Variants in CPNE4 observed in about 807,000 individuals in gnomAD.
CPNE4 encodes the protein copine-4.
A neutral mutation model predicts 67.9 loss-of-function variants in CPNE4; 25 were observed. That is an observed-to-expected ratio of 0.37 (90% confidence interval 0.27 to 0.51). CPNE4 has a LOEUF of 0.51. Ranked by LOEUF, CPNE4 falls within the 20% of genes least tolerant of loss-of-function variation. CPNE4 has a pLI of 0.93. For missense variants in CPNE4, 464 were observed against 690.8 expected, an observed-to-expected ratio of 0.67 and a Z score of 3.68; for synonymous variants, 242 against 244.9, an observed-to-expected ratio of 0.99 and a Z score of 0.11.
At position 131,830,664 on chromosome 3, in the gene CPNE4, T is replaced by C. The variant is rs906663114; in HGVS notation, c.180+74600A>G. 2.6e-5 allele frequency among the ~76,000 whole-genome samples: 4 copies of C among 152,162 alleles called. No individual in the cohort carries two copies. In the South Asian group the frequency reaches 6.2e-4, roughly 24 times the overall value. On this transcript the variant is annotated intron_variant, in intron 2 of 15. Transcript: ENST00000429747. ...CTCTCCTGCCTTCCAATCTTTCTTA[T>C]TTCGAATCAGCTATTACATTCTTTT...
chr3:131,979,506 C>T lies in CPNE4; in HGVS notation c.-2+55061G>A, dbSNP rs150701558. 4.5e-4 allele frequency among the ~76,000 whole-genome samples: 68 copies of T among 152,288 alleles called. No individual in the cohort carries two copies. In the East Asian group the frequency reaches 8.9e-3, roughly 20 times the overall value. On this transcript the variant is annotated intron_variant, in intron 1 of 15. Transcript: ENST00000429747. ...TTGTCTGATAAAATAGCTACTCCTG[C>T]TCGCTTTTGGTGTCCATTTGCATGA...
intron 2 of CPNE4, among the ~76,000 whole-genome samples, chr3:131,785,175 C>T (rs560565833): frequency 1.3e-5 from 2 of 152,174 alleles, no homozygotes; most frequent in African/African-American, 4.8e-5. Flanking sequence ...CCTTGCAATT[C>T]TGAGAAGTAC....
At chr3:131,559,557 TCA>T (rs1936648509) in intron 11 of CPNE4, among the ~76,000 whole-genome samples, 1 of 152,060 alleles carries the variant, frequency 6.6e-6, no homozygotes, top group Non-Finnish European at 1.5e-5. Context: ...TAATAAAAGC[TCA>T]GATTTTAAAA....
intron 2 of CPNE4, among the ~76,000 whole-genome samples, chr3:131,816,867 C>A (rs2084762970): frequency 6.6e-6 from 1 of 152,210 alleles, no homozygotes; most frequent in African/African-American, 2.4e-5. Flanking sequence ...TATGATTATA[C>A]CGTCTTTTTA....
intron 2 of CPNE4, among the ~76,000 whole-genome samples, chr3:131,751,317 G>A (rs1434140808): frequency 6.6e-6 from 1 of 151,952 alleles, no homozygotes; most frequent in Non-Finnish European, 1.5e-5. Context: ...GGTTTCTGAA[G>A]TGTTATTCAT....
chr3:131,579,552 G>C (rs1315021228), intron 9 of CPNE4, among the ~76,000 whole-genome samples: 3 of 152,120 alleles, frequency 2.0e-5, no homozygotes, highest in African/African-American at 7.2e-5. Context: ...AAAACTTTCT[G>C]GAAAAGATTC....
chr3:131,898,790 C>T lies in CPNE4; in HGVS notation c.180+6474G>A, dbSNP rs999626740. 2.0e-5 allele frequency among the ~76,000 whole-genome samples: 3 copies of T among 152,042 alleles called. No homozygotes were observed. In the East Asian group the frequency reaches 5.8e-4, roughly 29 times the overall value. ...ATTTTGTTTTCTTTTATATTCAATA[C>T]TCAGGGTAAGATTTCTAATATCACC... On this transcript the variant is annotated intron_variant, in intron 2 of 15. Transcript: ENST00000429747.
chr3:131,926,402 T>C lies in CPNE4; in HGVS notation c.-1-20958A>G, dbSNP rs566294627. On this transcript the variant is annotated intron_variant, in intron 1 of 15. Coordinates refer to ENST00000429747, the MANE Select transcript of CPNE4 (RefSeq NM_130808.3). Reference sequence around the variant, plus strand: ...AAGAATTTAAGATGAAAAATAATAATCCTTGTAACAAATAAATTTGAAAAT... The same window carrying C: ...AAGAATTTAAGATGAAAAATAATAACCCTTGTAACAAATAAATTTGAAAAT... 2.6e-5 allele frequency among the ~76,000 whole-genome samples: 4 copies of C among 152,144 alleles called. No individual in the cohort carries two copies. The South Asian group carries it at 8.3e-4, about 32-fold the overall frequency.
At chr3:131,757,086 T>C (rs1400177875) in intron 2 of CPNE4, among the ~76,000 whole-genome samples, 1 of 152,122 alleles carries the variant, frequency 6.6e-6, no homozygotes, top group Admixed American at 6.5e-5. Context: ...AGCATGACAA[T>C]GGACTAATAC....
At chr3:131,814,551 A>C (rs1471644982) in intron 2 of CPNE4, among the ~76,000 whole-genome samples, 5 of 138,734 alleles carry the variant, frequency 3.6e-5, no homozygotes, top group Non-Finnish European at 7.8e-5. Context: ...TTTTAATGGA[A>C]GCATAAAATA....
At chr3:131,730,224 G>T (rs2082096913) in intron 2 of CPNE4, among the ~76,000 whole-genome samples, 1 of 152,042 alleles carries the variant, frequency 6.6e-6, no homozygotes, top group African/African-American at 2.4e-5. Flanking sequence ...TTGAAATTGG[G>T]ATGCATATTA....
At chr3:131,547,758 C>T (rs16836991) in intron 14 of CPNE4, among the ~76,000 whole-genome samples, 23,635 of 152,040 alleles carry the variant, frequency 0.16, 1,950 homozygotes, top group African/African-American at 0.21. Context: ...GTCCTTTTCA[C>T]AGTCAAACCA....
At chr3:131,922,194 T>G (rs1019387063) in intron 1 of CPNE4, among the ~76,000 whole-genome samples, 1 of 152,188 alleles carries the variant, frequency 6.6e-6, no homozygotes, top group Non-Finnish European at 1.5e-5. Context: ...GTTCCTACAT[T>G]AATTCACTCA....
chr3:131,882,489 A>G (rs2087715602), intron 2 of CPNE4, among the ~76,000 whole-genome samples: 1 of 152,144 alleles, frequency 6.6e-6, no homozygotes, highest in South Asian at 2.1e-4. Context: ...ATCGTTCCAG[A>G]TAGGCAGTTG....
intron 2 of CPNE4, among the ~76,000 whole-genome samples, chr3:131,897,879 G>C (rs1341713901): frequency 1.3e-5 from 2 of 151,850 alleles, no homozygotes; most frequent in Non-Finnish European, 2.9e-5. Context: ...GCAACAGAGA[G>C]AGAGACTCTG....
intron 7 of CPNE4, among the ~76,000 whole-genome samples, chr3:131,649,929 G>C (rs1001520715): frequency 6.6e-6 from 1 of 152,130 alleles, no homozygotes; most frequent in African/African-American, 2.4e-5. Flanking sequence ...CTGAAATCTA[G>C]GTGTCAGGTA....
intron 7 of CPNE4, among the ~76,000 whole-genome samples, chr3:131,642,131 G>A (rs377110759): frequency 8.7e-4 from 133 of 152,010 alleles, no homozygotes; most frequent in Non-Finnish European, 1.6e-3. Flanking sequence ...GTAACCAAAT[G>A]CCAGCTGTTC....
intron 6 of CPNE4, among the ~76,000 whole-genome samples, chr3:131,672,569 A>T (rs552448162): frequency 6.6e-6 from 1 of 152,178 alleles, no homozygotes; most frequent in African/African-American, 2.4e-5. Context: ...TTTGTTTTGC[A>T]TATCTCTGAT....
intron 5 of CPNE4, among the ~76,000 whole-genome samples, chr3:131,690,799 T>C (rs2081016720): frequency 6.6e-6 from 1 of 151,758 alleles, no homozygotes; most frequent in Admixed American, 6.6e-5. Flanking sequence ...TCAAACTATT[T>C]GTCTGGCAAA....
Sources: allele counts gnomAD v4.1 joint callset (sites outside exome capture counted in the v4.1 genomes callset), GRCh38; gene constraint gnomAD v4.1.1; transcripts MANE v1.5; gene names NCBI Gene and HGNC (gene_info 2026-07-23, HGNC 2026-07-21).